Variants in GOT2 observed in about 807,000 individuals in gnomAD.
The protein encoded by GOT2 is aspartate aminotransferase, mitochondrial.
GOT2 carries 17 observed loss-of-function variants against 50.0 expected under a neutral mutation model. That is an observed-to-expected ratio of 0.34 (90% CI 0.23 to 0.51). The LOEUF (loss-of-function observed/expected upper bound fraction) is 0.51, where lower values mean the gene tolerates loss of function less well. Ranked by LOEUF, GOT2 falls within the 20% of genes least tolerant of loss-of-function variation. The pLI is 0.97. For missense variants in GOT2, 430 were observed against 559.6 expected (o/e 0.77, Z 2.34); for synonymous variants, 172 against 204.9 (o/e 0.84, Z 1.37).
In GOT2 at chr16:58,718,249, T is replaced by C; in HGVS notation, c.649A>G (p.Thr217Ala). The change falls in exon 6 of 10, where the codon ACG becomes GCG. Residue 217 changes from threonine to alanine, a missense_variant. Thr to Ala is a moderately conservative substitution (Grantham distance 58). Transcript: ENST00000245206. ...LLLHACAHNP[T>A]GVDPRPEQWK... ...TGTTCCGGACGCGGGTCCACTCCCG[T>C]GGGATTGTGGGCGCAGGCATGCAGA... The C allele has an allele frequency of 6.2e-7, 1 of 1,614,038 alleles. No individual in the cohort carries two copies. Among genetic ancestry groups the C allele is most frequent in the Non-Finnish European group, 8.5e-7 (1 of 1,179,934 alleles).
At position 58,707,300 on chromosome 16, in the gene GOT2, T is replaced by C. The variant is rs1015373896; in HGVS notation, c.*871A>G. ...CCACCCTGCGCCGCTGGACTCACAGTGTGAGATGAGAGGCTGCACACCACA... is the reference window on the plus strand; with the variant it reads ...CCACCCTGCGCCGCTGGACTCACAGCGTGAGATGAGAGGCTGCACACCACA... On this transcript the variant is annotated 3_prime_UTR_variant, in exon 10 of 10. Coordinates refer to ENST00000245206, the MANE Select transcript of GOT2 (RefSeq NM_002080.4). 1 of 152,086 alleles carries C rather than the reference T, an allele frequency of 6.6e-6. No homozygotes were observed. The highest frequency in any genetic ancestry group is 1.5e-5 in the Non-Finnish European group (1 of 68,040). 9.4% of individuals were successfully genotyped at this position (152,086 alleles called of 1,614,324 possible).
chr16:58,713,518 CA>C (rs926094603), intron 8 of GOT2, among the ~76,000 whole-genome samples: 4 of 151,514 alleles, frequency 2.6e-5, no homozygotes, highest in African/African-American at 9.7e-5. Context: ...AAACAAAAAA[CA>C]AAAAAAACTA....
intron 6 of GOT2, 143 bp downstream of exon 6, chr16:58,718,053 G>A (rs369507442): frequency 2.4e-5 from 17 of 721,168 alleles, no homozygotes; most frequent in East Asian, 1.6e-4. Context: ...CAAATGGGGA[G>A]CCCTTTTCTG....
At chr16:58,709,304 A>C in intron 9 of GOT2, 113 bp downstream of exon 9, 1 of 970,050 alleles carries the variant, frequency 1.0e-6, no homozygotes. Flanking sequence ...AAAACAAAAC[A>C]AAACAAAAAA....
intron 1 of GOT2, among the ~76,000 whole-genome samples, chr16:58,729,266 T>G (rs1377907306): frequency 1.4e-5 from 2 of 143,120 alleles, no homozygotes; most frequent in Admixed American, 1.5e-4. Context: ...CACCTGTCTA[T>G]CTACATCACT....
At chr16:58,713,468 G>A (rs943822115) in intron 8 of GOT2, among the ~76,000 whole-genome samples, 2 of 151,808 alleles carry the variant, frequency 1.3e-5, no homozygotes, top group African/African-American at 4.8e-5. Context: ...GTGAGACCTT[G>A]TCTTTATAAA....
In GOT2 at chr16:58,716,085, A is replaced by G. The variant is rs762304831; in HGVS notation, c.948T>C (p.Tyr316=). ...SQLKILIRPM[Y]SNPPLNGARI... The stretch of plus-strand genomic sequence containing the variant: ...GGGCCCCATTGAGGGGAGGGTTGGA[A>G]TACATGGGACGGATCAAGATCTTCA... Residue 316 remains tyrosine (Y), a synonymous_variant, in exon 8 of 10, where the codon TAT becomes TAC. Coordinates refer to ENST00000245206, the MANE Select transcript of GOT2 (RefSeq NM_002080.4). 1.2e-6 allele frequency: 2 copies of G among 1,613,934 alleles called. No homozygotes were observed. The highest frequency in any genetic ancestry group is 1.7e-6 in the Non-Finnish European group (2 of 1,179,880).
chr16:58,717,103 G>GT (rs1197582065), intron 6 of GOT2, among the ~76,000 whole-genome samples: 2 of 152,190 alleles, frequency 1.3e-5, no homozygotes. Flanking sequence ...GCCAGGCATG[G>GT]TGGCCCATGT....
chr16:58,722,113 A>G (rs954442408), intron 3 of GOT2, 37 bp downstream of exon 3: 3 of 1,605,466 alleles, frequency 1.9e-6, no homozygotes, highest in African/African-American at 2.7e-5. Flanking sequence ...ATTTGTTAAA[A>G]CAGACCTGGG....
Position 58,718,510 on chromosome 16 carries a change from C to T in GOT2, c.597+17G>A. 6.4e-7 allele frequency: 1 copy of T among 1,560,456 alleles called. No homozygotes were observed. Among genetic ancestry groups the T allele is most frequent in the Non-Finnish European group, 8.7e-7 (1 of 1,154,450 alleles). ...AGGAGTTTTATTCACCTCTCTCACC[C>T]TGAAAGCCACACTTACTGAAATATC... On this transcript the variant is annotated intron_variant, in intron 5 of 9. Coordinates refer to ENST00000245206, the MANE Select transcript of GOT2 (RefSeq NM_002080.4).
chr16:58,728,917 C>T (rs1218949079), intron 1 of GOT2, among the ~76,000 whole-genome samples: 1 of 152,074 alleles, frequency 6.6e-6, no homozygotes, highest in African/African-American at 2.4e-5. Flanking sequence ...GAACCCCTGA[C>T]CTCAAGTGAT....
chr16:58,732,102 G>A (rs2044838999), intron 1 of GOT2, among the ~76,000 whole-genome samples: 1 of 152,150 alleles, frequency 6.6e-6, no homozygotes, highest in African/African-American at 2.4e-5. Flanking sequence ...GGGCTGATGT[G>A]GGAGGAGTCT....
At chr16:58,718,172 C>G in intron 6 of GOT2, 24 bp downstream of exon 6, 1 of 1,498,436 alleles carries the variant, frequency 6.7e-7, no homozygotes, top group Non-Finnish European at 9.3e-7. Context: ...ACAGAACTGT[C>G]GCCAGTGAGT....
chr16:58,717,229 G>C (rs1356686204), intron 6 of GOT2, among the ~76,000 whole-genome samples: 2 of 152,082 alleles, frequency 1.3e-5, no homozygotes, highest in African/African-American at 4.8e-5. Flanking sequence ...GGAAGAATTA[G>C]CCAGGCAGGT....
chr16:58,716,902 T>C, intron 6 of GOT2, 89 bp from the exon 7 acceptor site: 2 of 1,243,406 alleles, frequency 1.6e-6, no homozygotes, highest in Non-Finnish European at 1.1e-6. Context: ...TTATGTGAGG[T>C]GGGCATGGTC....
Position 58,716,805 on chromosome 16 carries a change from A to G in GOT2, c.711T>C (p.Asn237=). 6.2e-7 allele frequency: 1 copy of G among 1,614,082 alleles called. No individual in the cohort carries two copies. The highest frequency in any genetic ancestry group is 8.5e-7 in the Non-Finnish European group (1 of 1,179,980). Residue 237 remains asparagine (N), a synonymous_variant, in exon 7 of 10, where the codon AAT becomes AAC. Transcript: ENST00000245206. The part of the protein sequence containing the change: ...KEIATVVKKR[N]LFAFFDMAYQ... ...AGGCCATGTCAAAGAACGCAAAGAG[A>G]TTCCTTTTCTGAGAAGGAACGAAAG...
In GOT2 at chr16:58,718,790, T is replaced by C. The variant is rs943713678; in HGVS notation, c.436-102A>G. On this transcript the variant is annotated intron_variant, in intron 4 of 9. Coordinates refer to ENST00000245206, the MANE Select transcript of GOT2 (RefSeq NM_002080.4). ...AACATTTTTCTCTGCTGAAACCCAG[T>C]TTCTCTCTATGGTTGAGAAGCAGTA... 16 of 932,040 alleles carry C rather than the reference T, an allele frequency of 1.7e-5. No individual in the cohort carries two copies. In the African/African-American group the frequency reaches 2.5e-4, roughly 15 times the overall value. 57.7% of individuals were successfully genotyped at this position (932,040 alleles called of 1,614,324 possible).
At chr16:58,728,371 G>A (rs2044804250) in intron 1 of GOT2, among the ~76,000 whole-genome samples, 1 of 152,048 alleles carries the variant, frequency 6.6e-6, no homozygotes, top group Admixed American at 6.6e-5. Context: ...TATCTCACAG[G>A]GCTGGTCTAA....
chr16:58,724,856 CCA>C (rs1482119948), intron 1 of GOT2, among the ~76,000 whole-genome samples: 5 of 151,948 alleles, frequency 3.3e-5, no homozygotes, highest in Non-Finnish European at 5.9e-5. Flanking sequence ...ATTATTAGGT[CCA>C]CACATTATTT....
Sources: allele counts gnomAD v4.1 joint callset (sites outside exome capture counted in the v4.1 genomes callset), GRCh38; gene constraint gnomAD v4.1.1; transcripts MANE v1.5; gene names NCBI Gene and HGNC (gene_info 2026-07-23, HGNC 2026-07-21).